TET2: variants seen among roughly 807,000 people sequenced by gnomAD.
TET2 encodes methylcytosine dioxygenase TET2.
In TET2, 299 loss-of-function variants were observed where a neutral mutation model predicts 142.9. That is an observed-to-expected ratio of 2.09 (90% CI 1.90 to 2.30). The LOEUF is 2.30. TET2 is among the 30% of genes most tolerant of loss of function. TET2 has a pLI of 0.00. For missense variants in TET2, 2,418 were observed against 2,378.0 expected, an observed-to-expected ratio of 1.02 and a Z score of -0.35; for synonymous variants, 819 against 849.0, an observed-to-expected ratio of 0.96 and a Z score of 0.61.
At chr4:105,271,136 CTT>C (rs1236879454) in intron 9 of TET2, among the ~76,000 whole-genome samples, 1 of 152,070 alleles carries the variant, frequency 6.6e-6, no homozygotes, top group Non-Finnish European at 1.5e-5. Flanking sequence ...TTAAAAACTC[CTT>C]GAAAATGTAA....
intron 3 of TET2, chr4:105,238,283 T>C: frequency 4.2e-6 from 1 of 239,434 alleles, no homozygotes; most frequent in East Asian, 6.4e-5. Context: ...TTGCTGAAGG[T>C]TGCTGGGATG....
At chr4:105,185,035 G>A (rs1201476789) in intron 1 of TET2, among the ~76,000 whole-genome samples, 1 of 152,156 alleles carries the variant, frequency 6.6e-6, no homozygotes. Flanking sequence ...GTTTGATGAT[G>A]TTTGATCAAT....
chr4:105,267,493 G>A (rs1730737168), intron 8 of TET2, among the ~76,000 whole-genome samples: 1 of 150,600 alleles, frequency 6.6e-6, no homozygotes. Flanking sequence ...ATATTACTTG[G>A]CTGTAAACTG....
At chr4:105,155,320 TA>T (rs755722058) in intron 1 of TET2, among the ~76,000 whole-genome samples, 6 of 152,178 alleles carry the variant, frequency 3.9e-5, no homozygotes, top group Non-Finnish European at 8.8e-5. Context: ...AGATGTAAAA[TA>T]AGGTTGAAAA....
chr4:105,182,776 A>G (rs951904030), intron 1 of TET2, among the ~76,000 whole-genome samples: 22 of 152,222 alleles, frequency 1.4e-4, no homozygotes, highest in African/African-American at 4.8e-4. Context: ...ATAGTGTAAA[A>G]TTTTATTTTG....
At chr4:105,268,324 T>C (rs1730789742) in intron 8 of TET2, among the ~76,000 whole-genome samples, 1 of 151,780 alleles carries the variant, frequency 6.6e-6, no homozygotes, top group African/African-American at 2.4e-5. Context: ...TTCTTAGACA[T>C]ACATTTGACA....
At chr4:105,232,136 TGTTA>T (rs1278911480) in intron 2 of TET2, among the ~76,000 whole-genome samples, 1 of 152,192 alleles carries the variant, frequency 6.6e-6, no homozygotes, top group Non-Finnish European at 1.5e-5. Flanking sequence ...TCTGTTCCTT[TGTTA>T]GTTTGTTTAG....
chr4:105,240,614 C>T (rs768645803), intron 3 of TET2: 101 of 1,079,614 alleles, frequency 9.4e-5, no homozygotes, highest in African/African-American at 2.0e-4. Context: ...TATTAAGTTG[C>T]CTCACTGGGC....
chr4:105,157,942 G>C (rs1464730348), intron 1 of TET2, among the ~76,000 whole-genome samples: 1 of 152,138 alleles, frequency 6.6e-6, no homozygotes, highest in African/African-American at 2.4e-5. Flanking sequence ...TTCCTAAAGT[G>C]CTGGGATTAC....
chr4:105,188,155 G>A (rs1451082732), intron 1 of TET2, among the ~76,000 whole-genome samples: 2 of 152,182 alleles, frequency 1.3e-5, no homozygotes, highest in African/African-American at 2.4e-5. Context: ...ACAGAATGTG[G>A]TATAGACATA....
chr4:105,236,548 CA>C lies in TET2; in HGVS notation c.2609del (p.Asn870IlefsTer3). 1 of 1,614,020 alleles carries C rather than the reference CA, an allele frequency of 6.2e-7. No individual in the cohort carries two copies. Among genetic ancestry groups the C allele is most frequent in the Non-Finnish European group, 8.5e-7 (1 of 1,179,976 alleles). On this transcript the variant is annotated frameshift_variant, in exon 3 of 11. Transcript: ENST00000380013. LOFTEE classifies it high-confidence loss of function. ...AACTTGCATCACATGCAATATTTTC[CA>C]AATAATGTGATCCCAAAGCAAGATC... The part of the protein sequence containing the change: ...TQNLHHMQYF[P>X]NNVIPKQDLL...
intron 2 of TET2, among the ~76,000 whole-genome samples, chr4:105,210,279 C>T (rs1727081895): frequency 6.6e-6 from 1 of 152,102 alleles, no homozygotes; most frequent in Non-Finnish European, 1.5e-5. Context: ...ATAGGTCATT[C>T]AGTAAATTGT....
At chr4:105,223,949 C>T (rs760360908) in intron 2 of TET2, among the ~76,000 whole-genome samples, 2 of 151,818 alleles carry the variant, frequency 1.3e-5, no homozygotes, top group Non-Finnish European at 2.9e-5. Context: ...TATAAATAAA[C>T]AGGATTCATG....
In TET2 at chr4:105,206,251, C is replaced by T. The variant is rs906850465; in HGVS notation, c.-47+15746C>T. On this transcript the variant is annotated intron_variant, in intron 2 of 10. Coordinates refer to ENST00000380013, the MANE Select transcript of TET2 (RefSeq NM_001127208.3). ...TGTATATATTTCCTTTCCCCAGCTT[C>T]GCTGCCTTTGGCTGCTTTGTGATTA... Among the ~76,000 whole-genome samples the T allele has an allele frequency of 3.9e-5, 6 of 152,336 alleles. No homozygotes were observed. In the East Asian group the frequency reaches 7.7e-4, roughly 20 times the overall value.
At position 105,275,170 on chromosome 4, in the gene TET2, A is replaced by T. The variant is rs1384083187; in HGVS notation, c.4660A>T (p.Thr1554Ser). The change falls in exon 11 of 11, where the codon ACA becomes TCA. Residue 1554 changes from threonine (T) to serine (S), a missense_variant. Transcript: ENST00000380013. ...GCAGCAGCAGCCACATCACCCTCAG[A>T]CAGAGTCTGTCAACTCTTATTCTGC... ...PQQQQPHHPQ[T>S]ESVNSYSASG... 6.4e-7 allele frequency: 1 copy of T among 1,552,176 alleles called. No homozygotes were observed.
chr4:105,233,905 T>C lies in TET2; in HGVS notation c.-38T>C, dbSNP rs374502587. The stretch of plus-strand genomic sequence containing the variant: ...GTTTCCATGCTCTTTAGAATTCAAC[T>C]AGAGGGCAGCCTTGTGGATGGCCCC... On this transcript the variant is annotated 5_prime_UTR_variant, in exon 3 of 11. Coordinates refer to ENST00000380013, the MANE Select transcript of TET2 (RefSeq NM_001127208.3). 21 of 1,561,970 alleles carry C rather than the reference T, an allele frequency of 1.3e-5. No individual in the cohort carries two copies. The African/African-American group carries it at 2.9e-4, about 22-fold the overall frequency.
intron 4 of TET2, 33 bp downstream of exon 4, chr4:105,241,462 G>C (rs1186334646): frequency 6.5e-7 from 1 of 1,527,024 alleles, no homozygotes; most frequent in Non-Finnish European, 8.8e-7. Context: ...GCAGATTAAC[G>C]TTTATCCTTT....
chr4:105,278,171 CATATATAT>C lies in TET2; in HGVS notation c.*1677_*1684del, dbSNP rs61328453. The stretch of plus-strand genomic sequence containing the variant: ...GTACTGTAAAAAAATTAAATATATA[CATATATAT>C]ATATATATATATATATATATATATG... On this transcript the variant is annotated 3_prime_UTR_variant, in exon 11 of 11. Coordinates refer to ENST00000380013, the MANE Select transcript of TET2 (RefSeq NM_001127208.3). 147 of 114,104 alleles carry C rather than the reference CATATATAT, an allele frequency of 1.3e-3. 1 individual carries two copies. Among genetic ancestry groups the C allele is most frequent in the South Asian group, 1.4e-3 (5 of 3,564 alleles). 7.1% of individuals were successfully genotyped at this position (114,104 alleles called of 1,614,324 possible).
chr4:105,258,236 C>T (rs959694523), intron 6 of TET2, among the ~76,000 whole-genome samples: 9 of 152,098 alleles, frequency 5.9e-5, no homozygotes, highest in African/African-American at 2.2e-4. Context: ...TTTATCAGTA[C>T]TTTTATTGCT....
Sources: gnomAD v4.1 joint callset for allele counts (sites outside exome capture counted in the v4.1 genomes callset) on GRCh38, gnomAD v4.1.1 for gene constraint, MANE v1.5 for transcripts, NCBI Gene and HGNC (gene_info 2026-07-23, HGNC 2026-07-21) for gene names.